CLIP2: variants seen among roughly 807,000 people sequenced by gnomAD.
CLIP2 encodes the protein CAP-Gly domain containing linker protein 2, also known as CAP-Gly domain-containing linker protein 2.
Under a neutral mutation model 111.7 loss-of-function variants are expected in CLIP2, and 41 were observed. That is an observed-to-expected ratio of 0.37 (90% CI 0.29 to 0.48). CLIP2 has a LOEUF of 0.48. Among genes scored for constraint, CLIP2 ranks in the 20% least tolerant of loss-of-function variants. The probability of loss-of-function intolerance (pLI) is 0.99; values close to 1 mark genes in which losing one functional copy is unlikely to be tolerated. For synonymous variants in CLIP2, 660 were observed against 644.2 expected (o/e 1.02, Z -0.37); for missense variants, 1,160 against 1,422.1 (o/e 0.82, Z 2.96).
At chr7:74,374,405 A>G (rs1214026382) in intron 9 of CLIP2, among the ~76,000 whole-genome samples, 1 of 152,196 alleles carries the variant, frequency 6.6e-6, no homozygotes, top group East Asian at 1.9e-4. Flanking sequence ...TCTAGGGTTC[A>G]ACCTGATGAA....
chr7:74,351,065 GAGAA>G (rs139852602), intron 3 of CLIP2, among the ~76,000 whole-genome samples: 11,713 of 74,554 alleles, frequency 0.16, 1,002 homozygotes, highest in East Asian at 0.48. Flanking sequence ...AAGAAAGAAA[GAGAA>G]AGAAAGAAAG....
intron 3 of CLIP2, among the ~76,000 whole-genome samples, chr7:74,347,629 G>A (rs782630234): frequency 6.6e-6 from 1 of 152,176 alleles, no homozygotes; most frequent in Non-Finnish European, 1.5e-5. Context: ...TGGCGGCCAC[G>A]CCTACTCCCT....
rs12055916 is a variant in CLIP2 at position 74,369,987 on chromosome 7, A to G, written c.1381-2945A>G. 3.0e-4 allele frequency among the ~76,000 whole-genome samples: 22 copies of G among 74,380 alleles called. 2 individuals are homozygous for G. Among genetic ancestry groups the G allele is most frequent in the East Asian group, 8.2e-4 (2 of 2,448 alleles). 48.8% of individuals were successfully genotyped at this position (74,380 alleles called of 152,430 possible). A position where few individuals can be genotyped will look rare whatever the true frequency, so the allele number is the denominator to read the frequency against. ...AGCCTGGCTAACATGGCGAAACCCC[A>G]TCTCTACTAAAAATACAAAAATTAG... On this transcript the variant is annotated intron_variant, in intron 8 of 16. Transcript: ENST00000223398.
intron 3 of CLIP2, among the ~76,000 whole-genome samples, chr7:74,341,062 G>A (rs903059573): frequency 2.9e-4 from 44 of 152,120 alleles, no homozygotes; most frequent in African/African-American, 9.9e-4. Flanking sequence ...GTAGGGGAGC[G>A]AGAGGTAATG....
At chr7:74,306,058 C>T (rs1788478818) in intron 1 of CLIP2, among the ~76,000 whole-genome samples, 1 of 152,112 alleles carries the variant, frequency 6.6e-6, no homozygotes, top group Non-Finnish European at 1.5e-5. Flanking sequence ...CCTTCCAGCC[C>T]CACCAGATCC....
At chr7:74,365,534 A>G (rs2116629332) in intron 8 of CLIP2, among the ~76,000 whole-genome samples, 1 of 152,258 alleles carries the variant, frequency 6.6e-6, no homozygotes, top group East Asian at 1.9e-4. Flanking sequence ...GGTCCCAGGG[A>G]TAGCCAATGG....
chr7:74,341,948 G>A (rs1789668611), intron 3 of CLIP2, among the ~76,000 whole-genome samples: 1 of 152,182 alleles, frequency 6.6e-6, no homozygotes, highest in Non-Finnish European at 1.5e-5. Context: ...CTCAGAGCCT[G>A]GCCTGGTGGG....
chr7:74,369,640 C>A (rs553209807), intron 8 of CLIP2, among the ~76,000 whole-genome samples: 1 of 150,880 alleles, frequency 6.6e-6, no homozygotes, highest in African/African-American at 2.4e-5. Flanking sequence ...GCGGATCATT[C>A]GAGGTCAGGA....
intron 3 of CLIP2, among the ~76,000 whole-genome samples, chr7:74,341,597 CTTT>C (rs201360817): frequency 1.4e-5 from 2 of 142,814 alleles, no homozygotes; most frequent in Non-Finnish European, 1.5e-5. Flanking sequence ...CTTTTCTTTT[CTTT>C]TTTTTTTTTT....
chr7:74,329,239 T>C (rs1308070230), intron 2 of CLIP2, among the ~76,000 whole-genome samples: 2 of 151,544 alleles, frequency 1.3e-5, no homozygotes, highest in Admixed American at 1.3e-4. Context: ...TTTCTATTAT[T>C]TTATAGAGAC....
intron 1 of CLIP2, among the ~76,000 whole-genome samples, chr7:74,311,626 C>T (rs1554728522): frequency 6.6e-6 from 1 of 152,138 alleles, no homozygotes; most frequent in Non-Finnish European, 1.5e-5. Flanking sequence ...AATACCAGCC[C>T]TGGCTGGGCG....
rs781925728 is a variant in CLIP2, at chr7:74,373,006, G to T, written c.1455G>T (p.Glu485Asp). ...TGCTACTGGAGAAGGCGCAGGCCGAGCGGCTGCTCCGAGAATTAGCGGACA... is the reference window on the plus strand; with the variant it reads ...TGCTACTGGAGAAGGCGCAGGCCGATCGGCTGCTCCGAGAATTAGCGGACA... ...QSLLLEKAQA[E>D]RLLRELADNR... is the part of the protein sequence containing the mutation. Residue 485 changes from glutamate to aspartate, a missense_variant, in exon 9 of 17, where the codon GAG becomes GAT. This residue lies in a region of CLIP2 where 676 missense variants were observed against 777.8 expected (regional missense o/e 0.87). Transcript: ENST00000223398. 6.3e-7 allele frequency: 1 copy of T among 1,594,092 alleles called. No individual in the cohort carries two copies. Among genetic ancestry groups the T allele is most frequent in the Admixed American group, 1.8e-5 (1 of 56,950 alleles).
At chr7:74,397,623 A>G (rs568650988) in intron 14 of CLIP2, among the ~76,000 whole-genome samples, 7 of 150,892 alleles carry the variant, frequency 4.6e-5, no homozygotes, top group Non-Finnish European at 1.0e-4. Context: ...AGAACTTGAA[A>G]GTCTACAGCA....
intron 8 of CLIP2, among the ~76,000 whole-genome samples, chr7:74,370,790 C>T (rs1009120779): frequency 5.9e-5 from 9 of 152,022 alleles, no homozygotes; most frequent in Non-Finnish European, 1.2e-4. Context: ...ACAAGGAGTC[C>T]TTCTTATCCT....
intron 11 of CLIP2, among the ~76,000 whole-genome samples, chr7:74,383,742 G>A (rs566055612): frequency 7.3e-4 from 111 of 152,136 alleles, no homozygotes; most frequent in Admixed American, 2.4e-3. Context: ...TGGGAGGCCC[G>A]GGCAGGAGAA....
chr7:74,331,413 A>G (rs1554731271), intron 2 of CLIP2, among the ~76,000 whole-genome samples: 2 of 151,550 alleles, frequency 1.3e-5, no homozygotes, highest in African/African-American at 4.8e-5. Flanking sequence ...GAGCTTTGGC[A>G]AGAGCTGAGG....
intron 2 of CLIP2, among the ~76,000 whole-genome samples, chr7:74,319,621 C>CA (rs1282465808): frequency 1.3e-5 from 2 of 151,428 alleles, no homozygotes; most frequent in African/African-American, 4.9e-5. Flanking sequence ...AGTTCCAGAC[C>CA]AGCCTGGGGA....
At position 74,376,355 on chromosome 7, in the gene CLIP2, G is replaced by A. The variant is rs1459157112; in HGVS notation, c.1954G>A (p.Val652Met). 6.2e-7 allele frequency: 1 copy of A among 1,614,028 alleles called. No homozygotes were observed. Among genetic ancestry groups the A allele is most frequent in the African/African-American group, 1.3e-5 (1 of 75,066 alleles). The change falls in exon 10 of 17, where the codon GTG becomes ATG. Residue 652 changes from valine to methionine, a missense_variant. By Grantham distance (21) the Val-to-Met change is conservative. Coordinates refer to ENST00000223398, the MANE Select transcript of CLIP2 (RefSeq NM_003388.5). This position sits in a 1 kb window ranked among gnomAD's most constrained non-coding sequence, Gnocchi z 7.1. ...QQKEIGELKA[V>M]MEGIKMEHQL... ...GAAGGAGATCGGCGAGCTGAAGGCA[G>A]TGATGGAGGGCATCAAGATGGAGCA...
At chr7:74,344,066 G>T (rs1554305868) in intron 3 of CLIP2, among the ~76,000 whole-genome samples, 1 of 152,174 alleles carries the variant, frequency 6.6e-6, no homozygotes, top group Non-Finnish European at 1.5e-5. Context: ...TTACTGACCA[G>T]CCCAGATTGC....
Sources: gnomAD v4.1 joint callset for allele counts (sites outside exome capture counted in the v4.1 genomes callset) on GRCh38, gnomAD v4.1.1 for gene constraint, gnomAD v4.1.1 regional missense constraint, Gnocchi (gnomAD v3.1) non-coding constraint, MANE v1.5 for transcripts, NCBI Gene and HGNC (gene_info 2026-07-23, HGNC 2026-07-21) for gene names.